Variants in ANXA11 observed in about 807,000 individuals in gnomAD.
ANXA11 encodes annexin A11, also known as 56 kDa autoantigen.
ANXA11 carries 57 observed loss-of-function variants against 64.7 expected under a neutral mutation model. The ratio of observed to expected loss-of-function variants is 0.88; its 90% CI spans 0.71 to 1.10. The LOEUF is 1.10. Among genes scored for constraint, ANXA11 ranks in the 50% least tolerant of loss-of-function variants. ANXA11 has a pLI of 0.00. For missense variants in ANXA11, 675 were observed against 670.7 expected (o/e 1.01, Z -0.07); for synonymous variants, 260 against 265.2 (o/e 0.98, Z 0.19).
chr10:80,192,598 G>A (rs896909945), intron 1 of ANXA11, among the ~76,000 whole-genome samples: 3 of 152,126 alleles, frequency 2.0e-5, no homozygotes, highest in Non-Finnish European at 4.4e-5. Context: ...CAATCATTGT[G>A]AAATTTGAGA....
At chr10:80,164,005 AG>A in intron 9 of ANXA11, 47 bp downstream of exon 9, 1 of 1,507,200 alleles carries the variant, frequency 6.6e-7, no homozygotes, top group South Asian at 1.1e-5. Context: ...CCAAGAGCAC[AG>A]GGATCTGCAG....
At chr10:80,185,967 A>G (rs1564621405) in intron 1 of ANXA11, among the ~76,000 whole-genome samples, 1 of 152,192 alleles carries the variant, frequency 6.6e-6, no homozygotes, top group Non-Finnish European at 1.5e-5. Context: ...ACTTCATTAC[A>G]TACTTCATTA....
chr10:80,172,555 C>T (rs541885845), intron 3 of ANXA11, among the ~76,000 whole-genome samples: 2 of 152,148 alleles, frequency 1.3e-5, no homozygotes, highest in African/African-American at 4.8e-5. Flanking sequence ...AGGCAAGAGA[C>T]CCAGCCCTGG....
chr10:80,179,128 C>T (rs544136000), intron 1 of ANXA11, among the ~76,000 whole-genome samples: 6 of 152,252 alleles, frequency 3.9e-5, no homozygotes, highest in African/African-American at 1.2e-4. Flanking sequence ...GGGCAGATTT[C>T]CCCCTTTGGT....
chr10:80,160,442 A>C (rs1038936171), intron 12 of ANXA11, among the ~76,000 whole-genome samples: 3 of 152,156 alleles, frequency 2.0e-5, no homozygotes, highest in African/African-American at 7.2e-5. Flanking sequence ...GGGGAGAGCC[A>C]CAGCGCCTGT....
chr10:80,197,704 C>T (rs1270401973), intron 1 of ANXA11, among the ~76,000 whole-genome samples: 1 of 152,128 alleles, frequency 6.6e-6, no homozygotes, highest in Non-Finnish European at 1.5e-5. Flanking sequence ...GGGAGGATCA[C>T]GAGGTCAGGA....
At chr10:80,159,270 C>G in intron 12 of ANXA11, 75 bp from the exon 13 acceptor site, 1 of 1,162,268 alleles carries the variant, frequency 8.6e-7, no homozygotes, top group South Asian at 1.2e-5. Context: ...AGTCCCAACT[C>G]CCAGGACTTC....
At chr10:80,172,762 T>A (rs756936540) in intron 3 of ANXA11, 45 bp downstream of exon 3, 1 of 1,589,108 alleles carries the variant, frequency 6.3e-7, no homozygotes, top group Admixed American at 1.7e-5. Flanking sequence ...CCAGCCACTG[T>A]ACAGAGGCAG....
intron 7 of ANXA11, chr10:80,166,446 G>C: frequency 2.0e-6 from 1 of 492,472 alleles, no homozygotes; most frequent in South Asian, 2.5e-5. Context: ...GCTAGAACAC[G>C]AATCTAATCA....
At chr10:80,175,295 G>A (rs560235089) in intron 2 of ANXA11, among the ~76,000 whole-genome samples, 10 of 152,284 alleles carry the variant, frequency 6.6e-5, no homozygotes, top group East Asian at 1.9e-4. Context: ...GGAACTGCCC[G>A]ACAGGTGAGC....
intron 1 of ANXA11, among the ~76,000 whole-genome samples, chr10:80,178,094 G>A (rs12411989): frequency 0.11 from 17,232 of 152,142 alleles, 1,201 homozygotes; most frequent in South Asian, 0.24. Flanking sequence ...GCACCCCAGG[G>A]CTGCCATATC....
intron 1 of ANXA11, among the ~76,000 whole-genome samples, chr10:80,188,759 T>A (rs1221379704): frequency 6.6e-6 from 1 of 152,126 alleles, no homozygotes; most frequent in Admixed American, 6.5e-5. Flanking sequence ...AGGACACAGT[T>A]ATCTTCACTC....
At chr10:80,181,823 C>A (rs186355315) in intron 1 of ANXA11, among the ~76,000 whole-genome samples, 230 of 152,350 alleles carry the variant, frequency 1.5e-3, no homozygotes, top group Non-Finnish European at 2.5e-3. Context: ...CGGGAACTTT[C>A]ATTCATCGCT....
intron 1 of ANXA11, chr10:80,180,825 G>C (rs1846330215): frequency 6.6e-6 from 1 of 152,146 alleles, no homozygotes; most frequent in Non-Finnish European, 1.5e-5. Flanking sequence ...CAACAGTTCT[G>C]AGAGGCGGTA....
intron 1 of ANXA11, among the ~76,000 whole-genome samples, 185 bp from the exon 2 acceptor site, chr10:80,176,340 G>A (rs1564616164): frequency 6.6e-6 from 1 of 152,188 alleles, no homozygotes; most frequent in Non-Finnish European, 1.5e-5. Context: ...ATTAATCAAG[G>A]TGCAGTACTG....
chr10:80,162,065 A>T, intron 11 of ANXA11, 37 bp from the exon 12 acceptor site: 1 of 1,559,004 alleles, frequency 6.4e-7, no homozygotes, highest in Non-Finnish European at 8.8e-7. Flanking sequence ...GGCACAGGCC[A>T]CACCCAGACC....
rs545654458 is a variant in ANXA11, at chr10:80,159,030, G to A, written c.1276+70C>T. The A allele has an allele frequency of 5.2e-4, 626 of 1,197,552 alleles. 3 individuals are homozygous for A. Among genetic ancestry groups the A allele is most frequent in the Non-Finnish European group, 9.2e-5 (74 of 804,866 alleles). The allele number at this position is 1,197,552 out of a possible 1,614,324, so 74.2% of individuals were successfully genotyped here. On this transcript the variant is annotated intron_variant, in intron 13 of 15. Transcript: ENST00000422982. ...GGTGTCACCCATCAGCTGGAGGACA[G>A]GCGAGCAGCCTGAACACTCACGATA...
At chr10:80,201,408 A>G (rs375303534) in intron 1 of ANXA11, among the ~76,000 whole-genome samples, 6 of 152,240 alleles carry the variant, frequency 3.9e-5, no homozygotes, top group African/African-American at 1.4e-4. Flanking sequence ...AAATACAAAC[A>G]CAACCTAGAC....
At chr10:80,192,080 T>C (rs549599072) in intron 1 of ANXA11, among the ~76,000 whole-genome samples, 2 of 152,290 alleles carry the variant, frequency 1.3e-5, no homozygotes, top group South Asian at 4.1e-4. Context: ...CCCAGTTCTC[T>C]AGGATGATTC....
Sources: allele counts gnomAD v4.1 joint callset (sites outside exome capture counted in the v4.1 genomes callset), GRCh38; gene constraint gnomAD v4.1.1; transcripts MANE v1.5; gene names NCBI Gene and HGNC (gene_info 2026-07-23, HGNC 2026-07-21).